Variants in DNAH14 observed in about 807,000 individuals in gnomAD.
The protein encoded by DNAH14 is axonemal beta dynein heavy chain 14.
Under a neutral mutation model 520.9 loss-of-function variants are expected in DNAH14, and 478 were observed. The observed-to-expected ratio is 0.92, with a 90% CI of 0.85 to 0.99. The LOEUF is 0.99. Among genes scored for constraint, DNAH14 ranks in the 50% least tolerant of loss-of-function variants. DNAH14 has a pLI of 0.00. For synonymous variants in DNAH14, 1,581 were observed against 1,757.2 expected, an observed-to-expected ratio of 0.90 and a Z score of 2.51; for missense variants, 4,831 against 5,234.5, an observed-to-expected ratio of 0.92 and a Z score of 2.38.
At chr1:225,204,833 C>T (rs1451463283) in intron 39 of DNAH14, among the ~76,000 whole-genome samples, 1 of 152,156 alleles carries the variant, frequency 6.6e-6, no homozygotes, top group African/African-American at 2.4e-5. Context: ...CATATATGAT[C>T]CAGACTTTAA....
intron 41 of DNAH14, among the ~76,000 whole-genome samples, chr1:225,228,687 A>T (rs1203445793): frequency 6.6e-6 from 1 of 152,146 alleles, no homozygotes; most frequent in Non-Finnish European, 1.5e-5. Flanking sequence ...TAATTCTAGG[A>T]TGCAAAGCTG....
At chr1:225,068,147 A>G (rs1453967988) in intron 17 of DNAH14, among the ~76,000 whole-genome samples, 1 of 152,060 alleles carries the variant, frequency 6.6e-6, no homozygotes, top group Non-Finnish European at 1.5e-5. Context: ...AAGGGGTTCA[A>G]TTTCAATCTT....
chr1:224,943,431 T>G lies in DNAH14; in HGVS notation c.-33-9239T>G, dbSNP rs562197190. 3.3e-3 allele frequency among the ~76,000 whole-genome samples: 509 copies of G among 152,258 alleles called. 2 individuals carry two copies. Among genetic ancestry groups the G allele is most frequent in the African/African-American group, 0.011 (467 of 41,552 alleles). On this transcript the variant is annotated intron_variant, in intron 1 of 85. Coordinates refer to ENST00000682510, the MANE Select transcript of DNAH14 (RefSeq NM_001367479.1). ...TAGCGGTCTATCAATTTTGTTGATC[T>G]TTTCAAAAAACCAGCTCCTGGATTT...
At chr1:225,103,932 A>G (rs1001142917) in intron 23 of DNAH14, among the ~76,000 whole-genome samples, 1 of 152,054 alleles carries the variant, frequency 6.6e-6, no homozygotes, top group African/African-American at 2.4e-5. Context: ...ACTATGTTGA[A>G]TAGGAGTGGT....
chr1:224,984,816 T>C (rs1234642906), intron 8 of DNAH14, among the ~76,000 whole-genome samples: 2 of 152,014 alleles, frequency 1.3e-5, no homozygotes, highest in Non-Finnish European at 2.9e-5. Flanking sequence ...AGGACATAAA[T>C]AGAAAATTCT....
chr1:225,221,138 TTA>T (rs1232874942), intron 41 of DNAH14, among the ~76,000 whole-genome samples: 1 of 152,116 alleles, frequency 6.6e-6, no homozygotes, highest in Non-Finnish European at 1.5e-5. Flanking sequence ...ACCTTACACC[TTA>T]TACAAAAATT....
intron 17 of DNAH14, among the ~76,000 whole-genome samples, chr1:225,073,064 T>TTGTTGCCTCAGACATGGCAAGGATA (rs1206051551): frequency 1.3e-5 from 2 of 151,936 alleles, no homozygotes; most frequent in African/African-American, 4.8e-5. Context: ...CTTCAGCCCC[T>TTGTTGCCTCAGACATGGCAAGGATA]TGTTGCCTCA....
intron 28 of DNAH14, among the ~76,000 whole-genome samples, chr1:225,142,201 A>G (rs1272790991): frequency 6.6e-6 from 1 of 152,228 alleles, no homozygotes; most frequent in Admixed American, 6.5e-5. Flanking sequence ...TGAGAATGAA[A>G]AAGAGGAAGA....
At chr1:225,287,858 A>G (rs1413186287) in intron 54 of DNAH14, among the ~76,000 whole-genome samples, 1 of 152,170 alleles carries the variant, frequency 6.6e-6, no homozygotes, top group Non-Finnish European at 1.5e-5. Context: ...AGAGCCAACT[A>G]AAAGAGTTCA....
intron 40 of DNAH14, 94 bp from the exon 41 acceptor site, chr1:225,206,874 A>AGG (rs2149427703): frequency 9.3e-7 from 1 of 1,075,006 alleles, no homozygotes; most frequent in South Asian, 2.2e-5. Flanking sequence ...TATTTATGAG[A>AGG]GGGCAGTGGT....
chr1:225,335,119 A>G (rs2094898526), intron 66 of DNAH14, among the ~76,000 whole-genome samples: 1 of 146,232 alleles, frequency 6.8e-6, no homozygotes, highest in South Asian at 2.1e-4. Context: ...ACATATATAC[A>G]TGTGTACATA....
chr1:225,065,044 C>G (rs1213719013), intron 17 of DNAH14, among the ~76,000 whole-genome samples: 1 of 151,814 alleles, frequency 6.6e-6, no homozygotes, highest in Non-Finnish European at 1.5e-5. Context: ...ATTACCTTAC[C>G]TAGAATGGTT....
At chr1:225,000,338 C>G (rs2063673221) in intron 8 of DNAH14, among the ~76,000 whole-genome samples, 1 of 152,018 alleles carries the variant, frequency 6.6e-6, no homozygotes, top group African/African-American at 2.4e-5. Flanking sequence ...AGAAGTTTGA[C>G]TTTGACATGT....
intron 43 of DNAH14, among the ~76,000 whole-genome samples, chr1:225,251,452 G>A (rs2092548163): frequency 1.3e-5 from 2 of 152,104 alleles, no homozygotes; most frequent in African/African-American, 2.4e-5. Context: ...GGGATTACAG[G>A]CATAAGCCAC....
intron 60 of DNAH14, among the ~76,000 whole-genome samples, chr1:225,315,158 T>G (rs1318325105): frequency 6.6e-6 from 1 of 151,884 alleles, no homozygotes; most frequent in Non-Finnish European, 1.5e-5. Context: ...TTTTCTCTAG[T>G]CTTGCCTTCA....
chr1:224,984,765 A>G (rs2062510370), intron 8 of DNAH14, among the ~76,000 whole-genome samples: 1 of 152,184 alleles, frequency 6.6e-6, no homozygotes, highest in African/African-American at 2.4e-5. Flanking sequence ...AATTCCAACA[A>G]ATCAGTAAGA....
At chr1:225,174,643 T>C (rs1397974352) in intron 36 of DNAH14, among the ~76,000 whole-genome samples, 1 of 152,198 alleles carries the variant, frequency 6.6e-6, no homozygotes, top group African/African-American at 2.4e-5. Flanking sequence ...ATTTCTCCTT[T>C]CTAATTTGGA....
Position 225,152,675 on chromosome 1 carries a change from TTG to T in DNAH14, c.5010-20_5010-19del. The T allele has an allele frequency of 6.6e-7, 1 of 1,509,194 alleles. No homozygotes were observed. Among genetic ancestry groups the T allele is most frequent in the Middle Eastern group, 1.7e-4 (1 of 5,796 alleles). The allele number at this position is 1,509,194 out of a possible 1,614,324, so 93.5% of individuals were successfully genotyped here. A position where few individuals can be genotyped will look rare whatever the true frequency, so the allele number is the denominator to read the frequency against. ...AATTGAGAAGTGGTGTTTTTATTGT[TTG>T]TTTTTCTTTTCCTCTTCAGATACGG... On this transcript the variant is annotated intron_variant, in intron 32 of 85. Transcript: ENST00000682510.
intron 41 of DNAH14, among the ~76,000 whole-genome samples, chr1:225,229,796 T>C (rs956534324): frequency 2.0e-5 from 3 of 152,060 alleles, no homozygotes; most frequent in Non-Finnish European, 2.9e-5. Flanking sequence ...GGGATAGCAC[T>C]AGGAGAAATA....
Sources: gnomAD v4.1 joint callset for allele counts (sites outside exome capture counted in the v4.1 genomes callset) on GRCh38, gnomAD v4.1.1 for gene constraint, MANE v1.5 for transcripts, NCBI Gene and HGNC (gene_info 2026-07-23, HGNC 2026-07-21) for gene names.